PTPRG: variants seen among roughly 807,000 people sequenced by gnomAD.
PTPRG encodes the protein receptor-type tyrosine-protein phosphatase gamma.
PTPRG carries 102 observed loss-of-function variants against 165.3 expected under a neutral mutation model. The ratio of observed to expected loss-of-function variants is 0.62; its 90% CI spans 0.53 to 0.73. The LOEUF is 0.73. PTPRG is among the 30% of genes least tolerant of loss of function. The pLI is 0.00. For missense variants in PTPRG, 1,866 were observed against 1,861.4 expected (o/e 1.00, Z -0.05); for synonymous variants, 675 against 669.5 (o/e 1.01, Z -0.13).
intron 1 of PTPRG, among the ~76,000 whole-genome samples, chr3:61,695,473 T>C (rs1249110802): frequency 6.6e-6 from 1 of 152,220 alleles, no homozygotes; most frequent in Admixed American, 6.5e-5. Context: ...TAGTAGTTTC[T>C]AGGTCTCAAT....
chr3:61,830,551 G>GTTGTTT (rs1559636494), intron 2 of PTPRG, among the ~76,000 whole-genome samples: 1 of 139,900 alleles, frequency 7.1e-6, no homozygotes, highest in African/African-American at 2.6e-5. Context: ...ACTGGTGATG[G>GTTGTTT]TTCTTTTTGT....
chr3:61,628,622 C>T (rs1701681957), intron 1 of PTPRG, among the ~76,000 whole-genome samples: 1 of 152,176 alleles, frequency 6.6e-6, no homozygotes. Flanking sequence ...GCAAGAGCCA[C>T]TGCACCCAGC....
At position 61,995,681 on chromosome 3, in the gene PTPRG, C is replaced by CGCCT. The variant is rs1553702202; in HGVS notation, c.370+5878_370+5881dup. 1.4e-3 allele frequency among the ~76,000 whole-genome samples: 126 copies of CGCCT among 90,582 alleles called. 3 individuals are homozygous for CGCCT. The highest frequency in any genetic ancestry group is 3.6e-3 in the Admixed American group (32 of 9,014). The allele number at this position is 90,582 out of a possible 152,430, so 59.4% of individuals were successfully genotyped here. A position where few individuals can be genotyped will look rare whatever the true frequency, so the allele number is the denominator to read the frequency against. Reference sequence around the variant, plus strand: ...TAGGCTTTCCGCCTGCCTGCCCGCCCGCCTTCCTTCCTTCCTTCCTTCCTT... The same window carrying CGCCT: ...TAGGCTTTCCGCCTGCCTGCCCGCCCGCCTGCCTTCCTTCCTTCCTTCCTTCCTT... On this transcript the variant is annotated intron_variant, in intron 3 of 29. Transcript: ENST00000474889.
chr3:61,646,325 G>C (rs899915609), intron 1 of PTPRG, among the ~76,000 whole-genome samples: 28 of 152,278 alleles, frequency 1.8e-4, no homozygotes, highest in African/African-American at 6.5e-4. Flanking sequence ...TGTCCAGGCT[G>C]GTCTCGAACT....
At chr3:61,993,026 G>A (rs1442667178) in intron 3 of PTPRG, among the ~76,000 whole-genome samples, 1 of 152,050 alleles carries the variant, frequency 6.6e-6, no homozygotes, top group Non-Finnish European at 1.5e-5. Context: ...TTGGAGAAAT[G>A]AGTATTTATT....
chr3:62,016,734 T>C (rs1348583910), intron 4 of PTPRG, among the ~76,000 whole-genome samples: 5 of 152,202 alleles, frequency 3.3e-5, no homozygotes, highest in Admixed American at 3.3e-4. Flanking sequence ...TCCAATCACA[T>C]GTTGAGTAGG....
chr3:61,593,941 G>T lies in PTPRG; in HGVS notation c.85+31569G>T, dbSNP rs369461163. On this transcript the variant is annotated intron_variant, in intron 1 of 29. Transcript: ENST00000474889. Reference sequence around the variant, plus strand: ...ATTCTCTTTTTTCCTTAATCACTTAGAGCTTGGTAAAGCAATGTAGGCAGC... The same window carrying T: ...ATTCTCTTTTTTCCTTAATCACTTATAGCTTGGTAAAGCAATGTAGGCAGC... Among the ~76,000 whole-genome samples the T allele has an allele frequency of 2.8e-4, 43 of 152,100 alleles. 2 individuals are homozygous for T. In the South Asian group the frequency reaches 7.9e-3, roughly 28 times the overall value.
intron 5 of PTPRG, among the ~76,000 whole-genome samples, chr3:62,116,978 G>A (rs927955692): frequency 6.6e-6 from 1 of 152,172 alleles, no homozygotes; most frequent in Non-Finnish European, 1.5e-5. Context: ...AAGGTTCACA[G>A]GCACCAATTT....
chr3:62,056,854 A>G (rs1340911406), intron 4 of PTPRG, among the ~76,000 whole-genome samples: 2 of 152,144 alleles, frequency 1.3e-5, no homozygotes, highest in Non-Finnish European at 2.9e-5. Context: ...GCAAAGTGTG[A>G]GGAAGACAAA....
chr3:61,753,585 GTTTTTT>G (rs10640815), intron 2 of PTPRG: 2 of 365,256 alleles, frequency 5.5e-6, no homozygotes, highest in Non-Finnish European at 1.0e-5. Context: ...AAATTTGAGG[GTTTTTT>G]TTTTTTTTTT....
intron 15 of PTPRG, among the ~76,000 whole-genome samples, chr3:62,253,764 T>C (rs1206146929): frequency 6.6e-6 from 1 of 152,214 alleles, no homozygotes. Context: ...TCTTCAATTC[T>C]GAAATATTTG....
chr3:62,016,800 C>G (rs2041555001), intron 4 of PTPRG, among the ~76,000 whole-genome samples: 1 of 152,152 alleles, frequency 6.6e-6, no homozygotes, highest in Admixed American at 6.5e-5. Flanking sequence ...TCTACTCTCC[C>G]TCATTCACCC....
intron 5 of PTPRG, among the ~76,000 whole-genome samples, chr3:62,125,817 C>A (rs972100236): frequency 1.3e-5 from 2 of 152,048 alleles, no homozygotes; most frequent in African/African-American, 4.8e-5. Flanking sequence ...GAGCAGCCTG[C>A]ACTTTGAGAA....
intron 2 of PTPRG, among the ~76,000 whole-genome samples, chr3:61,923,357 C>G (rs944900322): frequency 1.3e-5 from 2 of 152,088 alleles, no homozygotes; most frequent in East Asian, 3.9e-4. Flanking sequence ...TTACTTGCTC[C>G]GTGAAATCGC....
At chr3:61,891,124 C>A (rs2038202239) in intron 2 of PTPRG, among the ~76,000 whole-genome samples, 2 of 151,852 alleles carry the variant, frequency 1.3e-5, no homozygotes, top group South Asian at 4.2e-4. Context: ...TTGAGACCAG[C>A]CTGGCTAACA....
At chr3:62,231,106 C>A in intron 13 of PTPRG, 119 bp from the exon 14 acceptor site, 1 of 657,588 alleles carries the variant, frequency 1.5e-6, no homozygotes, top group Non-Finnish European at 2.3e-6. Flanking sequence ...ACAGATGAGG[C>A]CTGATGACGG....
chr3:61,748,212 G>C (rs544348554), intron 1 of PTPRG, among the ~76,000 whole-genome samples: 8 of 152,338 alleles, frequency 5.3e-5, no homozygotes, highest in African/African-American at 1.7e-4. Flanking sequence ...GGATGTGGAA[G>C]ACTGGTACTA....
intron 5 of PTPRG, chr3:62,124,559 T>C: frequency 1.4e-6 from 2 of 1,381,854 alleles, no homozygotes; most frequent in Non-Finnish European, 1.0e-6. Flanking sequence ...CAGGCGGTGG[T>C]CCAACAGGCT....
At position 61,800,993 on chromosome 3, in the gene PTPRG, G is replaced by A. The variant is rs992986731; in HGVS notation, c.190+52011G>A. ...GGAAGAAGAAAGGTGGAAGGAAGCA[G>A]AAATCTGCTGAAGCTTTGCAGTGCT... On this transcript the variant is annotated intron_variant, in intron 2 of 29. Transcript: ENST00000474889. Among the ~76,000 whole-genome samples, 146 of 152,270 alleles carry A rather than the reference G, an allele frequency of 9.6e-4. 1 individual carries two copies. The highest frequency in any genetic ancestry group is 3.2e-3 in the African/African-American group (132 of 41,556).
Sources: allele counts gnomAD v4.1 joint callset (sites outside exome capture counted in the v4.1 genomes callset), GRCh38; gene constraint gnomAD v4.1.1; transcripts MANE v1.5; gene names NCBI Gene and HGNC (gene_info 2026-07-23, HGNC 2026-07-21).